Variants in DNM3 observed in about 807,000 individuals in gnomAD.
DNM3 encodes the protein dynamin 3, also known as dynamin-3.
A neutral mutation model predicts 101.6 loss-of-function variants in DNM3; 47 were observed. The observed-to-expected ratio is 0.46, with a 90% confidence interval of 0.37 to 0.59. The LOEUF (loss-of-function observed/expected upper bound fraction) is 0.59. DNM3 is among the 20% of genes least tolerant of loss of function. The pLI, the probability that DNM3 is intolerant of heterozygous loss-of-function variation, is 0.00. For synonymous variants in DNM3, 385 were observed against 387.9 expected, an observed-to-expected ratio of 0.99 and a Z score of 0.09; for missense variants, 849 against 1,085.7, an observed-to-expected ratio of 0.78 and a Z score of 3.06.
intron 1 of DNM3, among the ~76,000 whole-genome samples, chr1:171,881,399 A>G (rs1003353900): frequency 6.6e-6 from 1 of 152,212 alleles, no homozygotes; most frequent in Non-Finnish European, 1.5e-5. Flanking sequence ...TGGGCAATGT[A>G]TGATGCTATT....
chr1:171,906,610 G>A (rs963431745), intron 1 of DNM3, among the ~76,000 whole-genome samples: 2 of 151,988 alleles, frequency 1.3e-5, no homozygotes, highest in African/African-American at 4.8e-5. Context: ...TAATGAAAAT[G>A]CATTAATCAT....
At chr1:172,311,237 T>G (rs2065066298) in intron 16 of DNM3, 1 of 152,174 alleles carries the variant, frequency 6.6e-6, no homozygotes, top group Non-Finnish European at 1.5e-5. Flanking sequence ...AATATTATCA[T>G]ACAGCCCAGT....
At chr1:172,323,219 T>TCA in intron 16 of DNM3, 110 bp from the exon 17 acceptor site, 10 of 1,200,356 alleles carry the variant, frequency 8.3e-6, no homozygotes, top group Admixed American at 2.7e-5. Context: ...AAAAACCTCA[T>TCA]TTTATTTTTT....
intron 14 of DNM3, among the ~76,000 whole-genome samples, chr1:172,195,645 A>C (rs2059920268): frequency 6.6e-6 from 1 of 151,816 alleles, no homozygotes; most frequent in Non-Finnish European, 1.5e-5. Flanking sequence ...GTTGTTGTCA[A>C]ATGCTTTTCT....
In DNM3 at chr1:172,102,386, CTT is replaced by C. The variant is rs751101625; in HGVS notation, c.1545+9513_1545+9514del. ...GAGATTAGAGTTTATGAAAACCACACTTTGTCAAATATACAGCCTGTTAATTT... is the reference window on the plus strand; with the variant it reads ...GAGATTAGAGTTTATGAAAACCACACTGTCAAATATACAGCCTGTTAATTT... On this transcript the variant is annotated intron_variant, in intron 13 of 20. Coordinates refer to ENST00000627582, the MANE Select transcript of DNM3 (RefSeq NM_015569.5). Among the ~76,000 whole-genome samples, 11 of 152,006 alleles carry C rather than the reference CTT, an allele frequency of 7.2e-5. No individual in the cohort carries two copies. The East Asian group carries it at 7.7e-4, about 11-fold the overall frequency.
At chr1:171,920,605 G>C (rs1371749835) in intron 1 of DNM3, among the ~76,000 whole-genome samples, 1 of 152,200 alleles carries the variant, frequency 6.6e-6, no homozygotes, top group Non-Finnish European at 1.5e-5. Flanking sequence ...ATTCTGTGAT[G>C]ATTCCTCTAA....
intron 15 of DNM3, among the ~76,000 whole-genome samples, chr1:172,264,452 T>C (rs2062783548): frequency 6.6e-6 from 1 of 152,228 alleles, no homozygotes; most frequent in Non-Finnish European, 1.5e-5. Flanking sequence ...TCTGAGGTTA[T>C]GTTCCTAATT....
chr1:172,144,808 C>A, intron 14 of DNM3: 1 of 327,838 alleles, frequency 3.1e-6, no homozygotes, highest in Non-Finnish European at 6.1e-6. Context: ...GACTGGGGAA[C>A]TGGCAATGAA....
Position 171,904,392 on chromosome 1 carries a change from C to T in DNM3, c.162-17356C>T, listed in dbSNP as rs1041770175. On this transcript the variant is annotated intron_variant, in intron 1 of 20. Transcript: ENST00000627582. The stretch of plus-strand genomic sequence containing the variant: ...TACAGCATTAAGAGAAGCATACAAT[C>T]CATCCTTGGGGATGGGAGACTGTCC... Among the ~76,000 whole-genome samples the T allele has an allele frequency of 7.2e-5, 11 of 152,202 alleles. No individual in the cohort carries two copies. The South Asian group carries it at 1.9e-3, about 26-fold the overall frequency.
At chr1:172,239,278 AG>A (rs1387802020) in intron 14 of DNM3, among the ~76,000 whole-genome samples, 1 of 152,188 alleles carries the variant, frequency 6.6e-6, no homozygotes, top group Non-Finnish European at 1.5e-5. Flanking sequence ...ACAGTTCAAA[AG>A]CTTACAAGTA....
intron 14 of DNM3, among the ~76,000 whole-genome samples, chr1:172,158,286 C>A (rs894897749): frequency 6.6e-6 from 1 of 151,890 alleles, no homozygotes; most frequent in African/African-American, 2.4e-5. Context: ...TAACTGGGAC[C>A]TGCTTAAGAT....
intron 1 of DNM3, among the ~76,000 whole-genome samples, chr1:171,894,314 A>G (rs770966638): frequency 3.9e-5 from 6 of 152,196 alleles, no homozygotes; most frequent in Non-Finnish European, 7.3e-5. Flanking sequence ...AAGTTGTGAA[A>G]AGACAGTCAG....
At chr1:172,091,330 G>A (rs150793550) in intron 12 of DNM3, among the ~76,000 whole-genome samples, 13 of 152,280 alleles carry the variant, frequency 8.5e-5, no homozygotes, top group Non-Finnish European at 1.8e-4. Context: ...TAAATACACC[G>A]TGTAGTGTAT....
chr1:172,012,356 C>G (rs1373357458), intron 4 of DNM3, among the ~76,000 whole-genome samples: 1 of 152,054 alleles, frequency 6.6e-6, no homozygotes, highest in Non-Finnish European at 1.5e-5. Context: ...TATCACATCT[C>G]ACATTCCACT....
intron 12 of DNM3, among the ~76,000 whole-genome samples, chr1:172,084,901 A>T (rs930446666): frequency 1.3e-5 from 2 of 152,110 alleles, no homozygotes; most frequent in African/African-American, 2.4e-5. Context: ...CTAATTTTTT[A>T]AAAAATGAAA....
chr1:171,984,534 TGCTCAAAG>T (rs1161474931), intron 2 of DNM3, among the ~76,000 whole-genome samples: 4 of 152,192 alleles, frequency 2.6e-5, no homozygotes, highest in Admixed American at 6.5e-5. Context: ...CTTGAGTCAT[TGCTCAAAG>T]GTCACTTTAC....
rs747935380 is a variant in DNM3, at chr1:172,379,195, AAACTACCTCCATTTAACTTCT to A, written c.2058+17_2058+37del. The A allele has an allele frequency of 4.3e-5, 69 of 1,589,286 alleles. No individual in the cohort carries two copies. The African/African-American group carries it at 8.6e-4, about 20-fold the overall frequency. On this transcript the variant is annotated intron_variant, in intron 18 of 20. Coordinates refer to ENST00000627582, the MANE Select transcript of DNM3 (RefSeq NM_015569.5). Reference sequence around the variant, plus strand: ...TATGATCAATAACGTAAGTGATTATAAACTACCTCCATTTAACTTCTAACCCATCCGAGTGTGGAAGTTGCA... The same window carrying A: ...TATGATCAATAACGTAAGTGATTATAAACCCATCCGAGTGTGGAAGTTGCA...
chr1:172,233,127 T>A (rs1291619931), intron 14 of DNM3, among the ~76,000 whole-genome samples: 2 of 151,910 alleles, frequency 1.3e-5, no homozygotes, highest in African/African-American at 4.8e-5. Flanking sequence ...TCAACAAAAT[T>A]GATAGACCAC....
intron 2 of DNM3, among the ~76,000 whole-genome samples, chr1:171,975,028 AT>A (rs545461144): frequency 4.5e-4 from 65 of 146,024 alleles, no homozygotes; most frequent in Admixed American, 4.8e-4. Flanking sequence ...TGAAAAAAAG[AT>A]TTTTTTTTTT....
Sources: gnomAD v4.1 joint callset for allele counts (sites outside exome capture counted in the v4.1 genomes callset) on GRCh38, gnomAD v4.1.1 for gene constraint, MANE v1.5 for transcripts, NCBI Gene and HGNC (gene_info 2026-07-23, HGNC 2026-07-21) for gene names.